The following PCNX2 variants were observed in gnomAD, a reference collection of about 807,000 sequenced individuals.
PCNX2 encodes pecanex-like protein 2.
A neutral mutation model predicts 223.8 loss-of-function variants in PCNX2; 168 were observed. The ratio of observed to expected loss-of-function variants is 0.75; its 90% CI spans 0.66 to 0.85. The LOEUF is 0.85. Ranked by LOEUF, PCNX2 falls within the 40% of genes least tolerant of loss-of-function variation. The probability of loss-of-function intolerance (pLI) is 0.00; values close to 1 mark genes in which losing one functional copy is unlikely to be tolerated. For synonymous variants in PCNX2, 1,006 were observed against 1,052.6 expected (o/e 0.96, Z 0.86); for missense variants, 2,507 against 2,675.5 (o/e 0.94, Z 1.39).
Position 233,260,669 on chromosome 1 carries a change from C to T in PCNX2, c.517+616G>A, listed in dbSNP as rs545753056. On this transcript the variant is annotated intron_variant, in intron 4 of 33. Coordinates refer to ENST00000258229, the MANE Select transcript of PCNX2 (RefSeq NM_014801.4). ...ATTTTCTAGAGCGAATTAAACTTTACATTATTTTCAAAATTGAAATAGTGC... is the reference window on the plus strand; with the variant it reads ...ATTTTCTAGAGCGAATTAAACTTTATATTATTTTCAAAATTGAAATAGTGC... Among the ~76,000 whole-genome samples, 6 of 152,128 alleles carry T rather than the reference C, an allele frequency of 3.9e-5. No homozygotes were observed. The South Asian group carries it at 8.3e-4, about 21-fold the overall frequency.
At chr1:233,288,093 A>C (rs1396531521) in intron 1 of PCNX2, among the ~76,000 whole-genome samples, 1 of 152,226 alleles carries the variant, frequency 6.6e-6, no homozygotes, top group Non-Finnish European at 1.5e-5. Context: ...TGCAGAGGAC[A>C]TAGGAAGGAG....
chr1:233,081,011 T>C (rs1177711692), intron 23 of PCNX2, among the ~76,000 whole-genome samples: 1 of 152,104 alleles, frequency 6.6e-6, no homozygotes, highest in Non-Finnish European at 1.5e-5. Context: ...CAAGGGCAGG[T>C]CATAGCCTCA....
intron 25 of PCNX2, among the ~76,000 whole-genome samples, chr1:233,037,459 T>A (rs959755322): frequency 2.6e-5 from 4 of 151,848 alleles, no homozygotes; most frequent in Non-Finnish European, 4.4e-5. Flanking sequence ...GCCTCTGGAG[T>A]AGCTGGGACC....
intron 24 of PCNX2, among the ~76,000 whole-genome samples, chr1:233,057,011 G>A (rs1672215561): frequency 2.0e-5 from 3 of 152,084 alleles, no homozygotes; most frequent in Non-Finnish European, 4.4e-5. Context: ...ATGCAATACT[G>A]AGCAAGGTCC....
rs369431993 is a variant in PCNX2 at position 233,075,696 on chromosome 1, AACACACACACACACACACAC to A, written c.4076+14345_4076+14364del. ...GCATTTGAATCTGCAGTTAGCTTAA[AACACACACACACACACACAC>A]ACACACACACACACACACACACAAC... On this transcript the variant is annotated intron_variant, in intron 23 of 33. Transcript: ENST00000258229. 8.0e-5 allele frequency among the ~76,000 whole-genome samples: 11 copies of A among 137,348 alleles called. No individual in the cohort carries two copies. The South Asian group carries it at 1.7e-3, about 21-fold the overall frequency. The allele number at this position is 137,348 out of a possible 152,430, so 90.1% of individuals were successfully genotyped here. A position where few individuals can be genotyped will look rare whatever the true frequency, so the allele number is the denominator to read the frequency against.
intron 28 of PCNX2, among the ~76,000 whole-genome samples, chr1:233,011,602 C>A (rs967680692): frequency 1.5e-4 from 23 of 152,128 alleles, no homozygotes; most frequent in African/African-American, 4.8e-4. Flanking sequence ...GCACAGCTGT[C>A]CAAGCTTTAA....
At chr1:233,143,372 G>A (rs1479409963) in intron 19 of PCNX2, among the ~76,000 whole-genome samples, 2 of 152,202 alleles carry the variant, frequency 1.3e-5, no homozygotes, top group African/African-American at 4.8e-5. Context: ...GTCTGATGCA[G>A]TAGGTCTGGA....
intron 1 of PCNX2, among the ~76,000 whole-genome samples, chr1:233,269,079 T>C (rs936640869): frequency 6.6e-6 from 1 of 152,240 alleles, no homozygotes; most frequent in African/African-American, 2.4e-5. Context: ...ATCAGTCACA[T>C]TCCCAAATAT....
intron 22 of PCNX2, 186 bp downstream of exon 22, chr1:233,095,569 T>A: frequency 1.7e-6 from 1 of 603,276 alleles, no homozygotes; most frequent in Non-Finnish European, 3.0e-6. Context: ...GCAGGAAGAG[T>A]TCAAAATAAA....
At chr1:233,030,274 G>A (rs995654720) in intron 25 of PCNX2, among the ~76,000 whole-genome samples, 1 of 151,754 alleles carries the variant, frequency 6.6e-6, no homozygotes, top group Non-Finnish European at 1.5e-5. Context: ...TAAGTTTTTG[G>A]TGTACTTTTC....
intron 1 of PCNX2, among the ~76,000 whole-genome samples, chr1:233,265,933 G>A (rs1206512457): frequency 2.6e-5 from 4 of 152,174 alleles, no homozygotes; most frequent in African/African-American, 9.7e-5. Context: ...AGGCTATAGT[G>A]TAAGCTTGGT....
chr1:233,252,776 T>G lies in PCNX2; in HGVS notation c.1847A>C (p.Gln616Pro). 1 of 1,610,114 alleles carries G rather than the reference T, an allele frequency of 6.2e-7. No individual in the cohort carries two copies. Residue 616 changes from glutamine (Q) to proline (P), a missense_variant, in exon 6 of 34, where the codon CAG becomes CCG. Gln to Pro is a moderately conservative substitution (Grantham distance 76). Transcript: ENST00000258229. ...TTCCAGGATTTCCTCCTTTTTTTCC[T>G]GGGAACAGTTATCTGAAAAACATTG... ...ESGLLRDNCS[Q>P]EKKEEILENE...
At chr1:233,104,977 G>A (rs1674682027) in intron 21 of PCNX2, among the ~76,000 whole-genome samples, 1 of 152,092 alleles carries the variant, frequency 6.6e-6, no homozygotes, top group Non-Finnish European at 1.5e-5. Context: ...AAAAGCAGTA[G>A]TACCAACTAG....
chr1:233,139,815 C>A lies in PCNX2; in HGVS notation c.3558G>T (p.Trp1186Cys). 6.2e-7 allele frequency: 1 copy of A among 1,613,400 alleles called. No homozygotes were observed. The highest frequency in any genetic ancestry group is 8.5e-7 in the Non-Finnish European group (1 of 1,179,724). Residue 1186 changes from tryptophan to cysteine, a missense_variant, in exon 20 of 34, where the codon TGG becomes TGT. By Grantham distance (215) the Trp-to-Cys change is radical. Coordinates refer to ENST00000258229, the MANE Select transcript of PCNX2 (RefSeq NM_014801.4). This position sits in a 1 kb window ranked among gnomAD's most constrained non-coding sequence, Gnocchi z 4.4. ...AGATGTATTTTTCAAAACACTGAAGCCAAACATAGAGTCTTTCGAACCACA... is the reference window on the plus strand; with the variant it reads ...AGATGTATTTTTCAAAACACTGAAGACAAACATAGAGTCTTTCGAACCACA... ...HLMWFERLYVWLQCFEKYILY... is the reference protein window; with the variant it reads ...HLMWFERLYVCLQCFEKYILY...
chr1:233,088,662 C>T (rs1377647378), intron 23 of PCNX2, among the ~76,000 whole-genome samples: 2 of 152,206 alleles, frequency 1.3e-5, no homozygotes, highest in Admixed American at 1.3e-4. Flanking sequence ...GGACCTCCTT[C>T]AACTCCTCAC....
chr1:232,995,713 A>G (rs892797838), intron 32 of PCNX2, among the ~76,000 whole-genome samples: 1 of 152,150 alleles, frequency 6.6e-6, no homozygotes, highest in Admixed American at 6.5e-5. Context: ...CTGCTCTGAC[A>G]TCTTCCACAA....
chr1:233,017,151 T>C lies in PCNX2; in HGVS notation c.4609A>G (p.Ile1537Val). The change falls in exon 27 of 34, where the codon ATA becomes GTA. Residue 1537 changes from isoleucine (I) to valine (V), a missense_variant. Ile to Val is a conservative substitution (Grantham distance 29). Transcript: ENST00000258229. ...GGAGACGTTACCATATAGTATATTA[T>C]ACTCTGCAGAGAAAAAGCCAGGAAG... ...RILIRYYIKSIIYYMVTSPKL... is the reference protein window; with the variant it reads ...RILIRYYIKSVIYYMVTSPKL... 1 of 956,428 alleles carries C rather than the reference T, an allele frequency of 1.0e-6. No homozygotes were observed. The highest frequency in any genetic ancestry group is 1.4e-6 in the Non-Finnish European group (1 of 707,960). The allele number at this position is 956,428 out of a possible 1,614,324, so 59.2% of individuals were successfully genotyped here.
chr1:233,228,892 T>C (rs1011531632), intron 9 of PCNX2, among the ~76,000 whole-genome samples: 1 of 152,192 alleles, frequency 6.6e-6, no homozygotes, highest in Non-Finnish European at 1.5e-5. Flanking sequence ...TTTTCCAACA[T>C]GGATTTAAGG....
rs1659344476 is a variant in PCNX2 at position 233,249,849 on chromosome 1, T to G, written c.2222+890A>C. ...CTAAGAAGCTGGTACACGACAGCAT[T>G]CCACCTGGAGGCCAGAATGCAAGGA... On this transcript the variant is annotated intron_variant, in intron 8 of 33. Coordinates refer to ENST00000258229, the MANE Select transcript of PCNX2 (RefSeq NM_014801.4). 2.6e-5 allele frequency among the ~76,000 whole-genome samples: 4 copies of G among 152,144 alleles called. No individual in the cohort carries two copies. In the South Asian group the frequency reaches 8.3e-4, roughly 32 times the overall value.
Sources: gnomAD v4.1 joint callset for allele counts (sites outside exome capture counted in the v4.1 genomes callset) on GRCh38, gnomAD v4.1.1 for gene constraint, Gnocchi (gnomAD v3.1) non-coding constraint, MANE v1.5 for transcripts, NCBI Gene and HGNC (gene_info 2026-07-23, HGNC 2026-07-21) for gene names.